NUP42: variants seen among roughly 807,000 people sequenced by gnomAD.
NUP42 encodes nucleoporin NUP42.
Under a neutral mutation model 35.9 loss-of-function variants are expected in NUP42, and 47 were observed. The ratio of observed to expected loss-of-function variants is 1.31; its 90% CI spans 1.04 to 1.67. The LOEUF is 1.67. NUP42 is among the 40% of genes most tolerant of loss of function. The probability of loss-of-function intolerance (pLI) is 0.00; values close to 1 mark genes in which losing one functional copy is unlikely to be tolerated. For synonymous variants in NUP42, 173 were observed against 173.3 expected (o/e 1.00, Z 0.01); for missense variants, 514 against 492.2 (o/e 1.04, Z -0.42).
chr7:23,183,083 A>C (rs558271243), intron 1 of NUP42, among the ~76,000 whole-genome samples: 1 of 152,144 alleles, frequency 6.6e-6, no homozygotes, highest in African/African-American at 2.4e-5. Flanking sequence ...ACGTTGATCT[A>C]GTCCCTGGGC....
chr7:23,194,537 T>G (rs1785940257), intron 3 of NUP42: 1 of 152,812 alleles, frequency 6.5e-6, no homozygotes, highest in African/African-American at 2.4e-5. Flanking sequence ...ATTTTGGTAT[T>G]TTTAGTAGAA....
At chr7:23,190,785 TAATAAAAAATAAA>T (rs1158981091) in intron 3 of NUP42, among the ~76,000 whole-genome samples, 1 of 152,064 alleles carries the variant, frequency 6.6e-6, no homozygotes, top group African/African-American at 2.4e-5. Flanking sequence ...ACTTAAAGTA[TAATAAAAAATAAA>T]AATAAAAAAT....
chr7:23,182,547 G>C (rs969887918), intron 1 of NUP42: 4 of 1,029,510 alleles, frequency 3.9e-6, no homozygotes, highest in Non-Finnish European at 4.7e-6. Flanking sequence ...GGTGAGGCTA[G>C]CAGCTTGGGT....
chr7:23,184,971 A>T, intron 1 of NUP42, 99 bp from the exon 2 acceptor site: 3 of 965,966 alleles, frequency 3.1e-6, no homozygotes, highest in Non-Finnish European at 4.6e-6. Context: ...ATGCCACTGT[A>T]CTCCACCCTG....
At chr7:23,195,789 C>G (rs768810470) in intron 3 of NUP42, 50 bp from the exon 4 acceptor site, 16 of 1,222,660 alleles carry the variant, frequency 1.3e-5, no homozygotes, top group Non-Finnish European at 1.8e-5. Flanking sequence ...GCTTTACTAT[C>G]AAAATTATTG....
intron 3 of NUP42, among the ~76,000 whole-genome samples, chr7:23,192,559 A>AG (rs970759597): frequency 2.0e-5 from 3 of 151,884 alleles, no homozygotes; most frequent in African/African-American, 7.2e-5. Flanking sequence ...AAAAAAAAAA[A>AG]AAAAGAAAAA....
intron 3 of NUP42, among the ~76,000 whole-genome samples, chr7:23,191,804 G>A (rs1248054021): frequency 6.6e-6 from 1 of 151,960 alleles, no homozygotes; most frequent in Non-Finnish European, 1.5e-5. Flanking sequence ...TGGGCAACTT[G>A]GCGAAACCCT....
At chr7:23,195,705 G>A in intron 3 of NUP42, 134 bp from the exon 4 acceptor site, 1 of 610,124 alleles carries the variant, frequency 1.6e-6, no homozygotes, top group Non-Finnish European at 2.8e-6. Context: ...GTAGAGTGTA[G>A]GCTTTAAGTT....
At chr7:23,192,844 A>G (rs989979814) in intron 3 of NUP42, among the ~76,000 whole-genome samples, 4 of 152,134 alleles carry the variant, frequency 2.6e-5, no homozygotes, top group African/African-American at 9.7e-5. Context: ...GTGTGTATAT[A>G]TGTATACCTA....
chr7:23,200,680 T>A lies in NUP42; in HGVS notation c.1207T>A (p.Ser403Thr). Reference protein sequence around the residue: ...LTVEELEQFQSKKFTLGKIPL... With the variant: ...LTVEELEQFQTKKFTLGKIPL... ...AGTAGAAGAACTGGAACAATTTCAA[T>A]CCAAGAAATTTACTCTGGGAAAAAT... Residue 403 changes from serine (S) to threonine (T), a missense_variant, in exon 7 of 7, where the codon TCC (serine) becomes ACC (threonine). By Grantham distance (58) the Ser-to-Thr change is moderately conservative. Coordinates refer to ENST00000258742, the MANE Select transcript of NUP42 (RefSeq NM_007342.3). 1 of 1,611,098 alleles carries A rather than the reference T, an allele frequency of 6.2e-7. No homozygotes were observed. Among genetic ancestry groups the A allele is most frequent in the Non-Finnish European group, 8.5e-7 (1 of 1,178,910 alleles).
intron 5 of NUP42, among the ~76,000 whole-genome samples, chr7:23,197,868 T>A (rs906640139): frequency 2.6e-5 from 4 of 151,544 alleles, no homozygotes; most frequent in Non-Finnish European, 5.9e-5. Flanking sequence ...GACCATGTGA[T>A]TCCATTTGTA....
At chr7:23,188,007 A>C in intron 3 of NUP42, 2 of 1,019,756 alleles carry the variant, frequency 2.0e-6, no homozygotes, top group Middle Eastern at 3.2e-4. Flanking sequence ...TTTATTTTTT[A>C]TTTTTATTTT....
Position 23,199,213 on chromosome 7 carries a change from G to C in NUP42, c.610-245G>C, listed in dbSNP as rs546931675. On this transcript the variant is annotated intron_variant, in intron 5 of 6. Coordinates refer to ENST00000258742, the MANE Select transcript of NUP42 (RefSeq NM_007342.3). ...CCACCTCAGGCTCCCAAATAGCTGG[G>C]ACCACTGGCTAATTTTTTATAGAGA... Among the ~76,000 whole-genome samples the C allele has an allele frequency of 2.0e-5, 3 of 152,110 alleles. No homozygotes were observed. The East Asian group carries it at 5.8e-4, about 29-fold the overall frequency.
At chr7:23,182,497 C>G (rs1420975272) in intron 1 of NUP42, 3 of 1,171,686 alleles carry the variant, frequency 2.6e-6, no homozygotes, top group Non-Finnish European at 3.2e-6. Flanking sequence ...TAGGTAAATG[C>G]CGGAATTGAA....
intron 5 of NUP42, 116 bp from the exon 6 acceptor site, chr7:23,199,342 A>G (rs2128475181): frequency 1.2e-6 from 1 of 807,294 alleles, no homozygotes. Context: ...GTGAGCCACC[A>G]CACCCAGCCT....
chr7:23,187,731 C>T (rs757150680), intron 3 of NUP42, among the ~76,000 whole-genome samples: 19 of 151,402 alleles, frequency 1.3e-4, no homozygotes, highest in East Asian at 1.9e-4. Flanking sequence ...CTCAGCCTCC[C>T]GAGTAGCTGG....
At position 23,185,239 on chromosome 7, in the gene NUP42, G is replaced by A; in HGVS notation, c.291G>A (p.Leu97=). 2 of 1,614,122 alleles carry A rather than the reference G, an allele frequency of 1.2e-6. No homozygotes were observed. The highest frequency in any genetic ancestry group is 1.7e-6 in the Non-Finnish European group (2 of 1,180,032). ...ASTNRKEGFG[L]SENPFASLSP... ...CTAACAGGAAGGAAGGCTTTGGATTGTCTGAGAACCCATTTGCTTCACTTA... is the reference window on the plus strand; with the variant it reads ...CTAACAGGAAGGAAGGCTTTGGATTATCTGAGAACCCATTTGCTTCACTTA... The change falls in exon 2 of 7, where the codon TTG becomes TTA. Residue 97 remains leucine, a synonymous_variant. Coordinates refer to ENST00000258742, the MANE Select transcript of NUP42 (RefSeq NM_007342.3).
At chr7:23,185,397 A>G in intron 2 of NUP42, 99 bp downstream of exon 2, 1 of 815,486 alleles carries the variant, frequency 1.2e-6, no homozygotes, top group Non-Finnish European at 1.9e-6. Context: ...TTTTCACAAT[A>G]CAATATTTTC....
chr7:23,183,434 C>A (rs1003884061), intron 1 of NUP42, among the ~76,000 whole-genome samples: 3 of 151,970 alleles, frequency 2.0e-5, no homozygotes, highest in African/African-American at 4.8e-5. Context: ...TTGGCCATAC[C>A]GGTCTCGAAC....
Sources: gnomAD v4.1 joint callset for allele counts (sites outside exome capture counted in the v4.1 genomes callset) on GRCh38, gnomAD v4.1.1 for gene constraint, MANE v1.5 for transcripts, NCBI Gene and HGNC (gene_info 2026-07-23, HGNC 2026-07-21) for gene names.